PIGX: variants seen among roughly 807,000 people sequenced by gnomAD.
The protein encoded by PIGX is GPI alpha-1,4-mannosyltransferase I, stabilizing subunit.
PIGX carries 24 observed loss-of-function variants against 28.7 expected under a neutral mutation model. The ratio of observed to expected loss-of-function variants is 0.84; its 90% CI spans 0.60 to 1.17. The LOEUF is 1.17. Ranked by LOEUF, PIGX falls within the 50% of genes most tolerant of loss-of-function variation. The pLI is 0.00. For missense variants in PIGX, 305 were observed against 317.8 expected (o/e 0.96, Z 0.31); for synonymous variants, 127 against 121.0 (o/e 1.05, Z -0.33).
At chr3:196,724,125 C>T (rs574836247) in intron 3 of PIGX, among the ~76,000 whole-genome samples, 15 of 151,668 alleles carry the variant, frequency 9.9e-5, no homozygotes, top group South Asian at 6.2e-4. Flanking sequence ...TCAAGTTCTC[C>T]TGCCTCAGCC....
At chr3:196,730,720 C>G (rs1712713783) in intron 4 of PIGX, among the ~76,000 whole-genome samples, 2 of 144,174 alleles carry the variant, frequency 1.4e-5, no homozygotes, top group Non-Finnish European at 3.0e-5. Context: ...AGCACTCCAG[C>G]CTGGGTGACA....
chr3:196,733,985 C>A lies in PIGX; in HGVS notation c.*83C>A. On this transcript the variant is annotated 3_prime_UTR_variant, in exon 6 of 6. Transcript: ENST00000392391. The surrounding 1 kb of genome is among the most constrained non-coding windows in gnomAD (Gnocchi z 4.3). ...AGAGGTGTTCTTCTAGAATTAATTA[C>A]TTTTATCTTTTGTCTTCATTTGTGG... 1 of 907,844 alleles carries A rather than the reference C, an allele frequency of 1.1e-6. No homozygotes were observed. Among genetic ancestry groups the A allele is most frequent in the Non-Finnish European group, 1.7e-6 (1 of 578,488 alleles). The allele number at this position is 907,844 out of a possible 1,614,324, so 56.2% of individuals were successfully genotyped here.
rs764648728 is a variant in PIGX at position 196,730,965 on chromosome 3, G to A, written c.533-27G>A. ...CTTTCAGTCCAAATACAGGTTTTCT[G>A]ACATCATTTTCTACCACTTTTCTCA... On this transcript the variant is annotated intron_variant, in intron 4 of 5. Coordinates refer to ENST00000392391, the MANE Select transcript of PIGX (RefSeq NM_017861.4). 5 of 1,395,060 alleles carry A rather than the reference G, an allele frequency of 3.6e-6. No homozygotes were observed. The South Asian group carries it at 5.8e-5, about 16-fold the overall frequency. 86.4% of individuals were successfully genotyped at this position (1,395,060 alleles called of 1,614,324 possible).
chr3:196,716,979 A>G lies in PIGX; in HGVS notation c.176+58A>G, dbSNP rs150916034. 2,024 of 1,038,652 alleles carry G rather than the reference A, an allele frequency of 1.9e-3. 21 individuals are homozygous for G. The African/African-American group carries it at 0.028, about 14-fold the overall frequency. The allele number at this position is 1,038,652 out of a possible 1,614,324, so 64.3% of individuals were successfully genotyped here. ...AATAATGTGTCATATAATTGAGAGCAAAAAATTGATGGTTGAAATTTGTAT... is the reference window on the plus strand; with the variant it reads ...AATAATGTGTCATATAATTGAGAGCGAAAAATTGATGGTTGAAATTTGTAT... On this transcript the variant is annotated intron_variant, in intron 2 of 5. Coordinates refer to ENST00000392391, the MANE Select transcript of PIGX (RefSeq NM_017861.4).
intron 3 of PIGX, among the ~76,000 whole-genome samples, chr3:196,726,071 A>G (rs1712510882): frequency 6.6e-6 from 1 of 152,152 alleles, no homozygotes; most frequent in African/African-American, 2.4e-5. Context: ...AGGTGAATCA[A>G]TCAGTTAAAA....
intron 2 of PIGX, 131 bp downstream of exon 2, chr3:196,717,052 A>C: frequency 3.5e-6 from 2 of 577,538 alleles, no homozygotes; most frequent in Non-Finnish European, 6.2e-6. Context: ...TGTAATCCCA[A>C]CACTTTGGGA....
In PIGX at chr3:196,735,752, C is replaced by G. The variant is rs1712981309; in HGVS notation, c.*1850C>G. On this transcript the variant is annotated 3_prime_UTR_variant, in exon 6 of 6. Transcript: ENST00000392391. ...GGAATTATATATGTCAGCTACAATT[C>G]AGGCATTGTTTTGGGATATGGTTAG... 6.6e-6 allele frequency: 1 copy of G among 152,158 alleles called. No individual in the cohort carries two copies. Among genetic ancestry groups the G allele is most frequent in the African/African-American group, 2.4e-5 (1 of 41,428 alleles). The allele number at this position is 152,158 out of a possible 1,614,324, so 9.4% of individuals were successfully genotyped here.
intron 1 of PIGX, 108 bp from the exon 2 acceptor site, chr3:196,716,750 A>G (rs1160097906): frequency 2.1e-6 from 1 of 470,760 alleles, no homozygotes; most frequent in Non-Finnish European, 3.5e-6. Flanking sequence ...TAGGTTGGTT[A>G]GATTTTCTAG....
At chr3:196,714,761 A>G (rs1229783841) in intron 1 of PIGX, among the ~76,000 whole-genome samples, 3 of 151,914 alleles carry the variant, frequency 2.0e-5, no homozygotes, top group East Asian at 1.9e-4. Flanking sequence ...CACCCAGGCT[A>G]TTTGTTCTTT....
intron 1 of PIGX, among the ~76,000 whole-genome samples, chr3:196,715,812 C>T (rs972216258): frequency 6.6e-6 from 1 of 151,994 alleles, no homozygotes; most frequent in South Asian, 2.1e-4. Context: ...CCTCAGCCTC[C>T]TAAGTAGCTA....
intron 4 of PIGX, among the ~76,000 whole-genome samples, chr3:196,729,764 G>A (rs1009232425): frequency 2.0e-5 from 3 of 150,494 alleles, no homozygotes; most frequent in Admixed American, 1.3e-4. Context: ...GATTTAGAAT[G>A]TTTATAAAAG....
chr3:196,725,463 G>A (rs1252957066), intron 3 of PIGX, among the ~76,000 whole-genome samples: 4 of 152,204 alleles, frequency 2.6e-5, no homozygotes, highest in Non-Finnish European at 4.4e-5. Context: ...GCTTAATGCA[G>A]GGAGGAGAAA....
Position 196,733,936 on chromosome 3 carries a change from A to G in PIGX, c.*34A>G, listed in dbSNP as rs111362562. On this transcript the variant is annotated 3_prime_UTR_variant, in exon 6 of 6. Coordinates refer to ENST00000392391, the MANE Select transcript of PIGX (RefSeq NM_017861.4). This position sits in a 1 kb window ranked among gnomAD's most constrained non-coding sequence, Gnocchi z 4.3. ...TAGTTAAATGCTTCCTAGAAACCTA[A>G]ATAAGATCTATTAATTTCTGACGAG... 2.3e-6 allele frequency: 3 copies of G among 1,309,758 alleles called. No homozygotes were observed. Among genetic ancestry groups the G allele is most frequent in the African/African-American group, 2.9e-5 (2 of 68,850 alleles). The allele number at this position is 1,309,758 out of a possible 1,614,324, so 81.1% of individuals were successfully genotyped here. A position where few individuals can be genotyped will look rare whatever the true frequency, so the allele number is the denominator to read the frequency against.
intron 1 of PIGX, chr3:196,713,241 G>A (rs952416053): frequency 2.7e-5 from 7 of 264,042 alleles, no homozygotes; most frequent in Non-Finnish European, 4.1e-5. Flanking sequence ...AATCAGTGCA[G>A]TTCTGCTTGT....
At position 196,734,720 on chromosome 3, in the gene PIGX, T is replaced by G. The variant is rs2108693661; in HGVS notation, c.*818T>G. The G allele has an allele frequency of 6.6e-6, 1 of 152,392 alleles. No homozygotes were observed. Among genetic ancestry groups the G allele is most frequent in the African/African-American group, 2.4e-5 (1 of 41,600 alleles). 9.4% of individuals were successfully genotyped at this position (152,392 alleles called of 1,614,324 possible). ...TTAATATTAATATCAAAATTATTGA[T>G]AATCTTAAATTATTGATTATTCCTT... is the stretch of plus-strand genomic sequence containing the variant. On this transcript the variant is annotated 3_prime_UTR_variant, in exon 6 of 6. Coordinates refer to ENST00000392391, the MANE Select transcript of PIGX (RefSeq NM_017861.4).
rs1307646222 is a variant in PIGX at position 196,735,608 on chromosome 3, A to G, written c.*1706A>G. 1 of 152,212 alleles carries G rather than the reference A, an allele frequency of 6.6e-6. No homozygotes were observed. The highest frequency in any genetic ancestry group is 2.4e-5 in the African/African-American group (1 of 41,450). The allele number at this position is 152,212 out of a possible 1,614,324, so 9.4% of individuals were successfully genotyped here. ...ATAAAGCAGAAACAGTGACCTTTAA[A>G]ATGACTAAAATTTCAACCCAGTATA... On this transcript the variant is annotated 3_prime_UTR_variant, in exon 6 of 6. Transcript: ENST00000392391.
chr3:196,720,418 T>G (rs1712277074), intron 2 of PIGX, among the ~76,000 whole-genome samples: 3 of 152,254 alleles, frequency 2.0e-5, no homozygotes, highest in African/African-American at 7.2e-5. Flanking sequence ...ATTGTATGTT[T>G]GTACCACATT....
In PIGX at chr3:196,733,478, T is replaced by G. The variant is rs1712892774; in HGVS notation, c.634-281T>G. On this transcript the variant is annotated intron_variant, in intron 5 of 5. Coordinates refer to ENST00000392391, the MANE Select transcript of PIGX (RefSeq NM_017861.4). The surrounding 1 kb of genome is among the most constrained non-coding windows in gnomAD (Gnocchi z 4.3). The stretch of plus-strand genomic sequence containing the variant: ...CAGGCTGGAGTACAGTGGCACGATC[T>G]CAGCTCACTGCAAACCTCCGCCTCC... 6.6e-6 allele frequency among the ~76,000 whole-genome samples: 1 copy of G among 152,136 alleles called. No individual in the cohort carries two copies. Among genetic ancestry groups the G allele is most frequent in the Non-Finnish European group, 1.5e-5 (1 of 68,038 alleles).
chr3:196,718,333 G>A (rs1358842410), intron 2 of PIGX, among the ~76,000 whole-genome samples: 1 of 151,992 alleles, frequency 6.6e-6, no homozygotes, highest in Non-Finnish European at 1.5e-5. Context: ...AAAAGGGGGG[G>A]AAGGGTATAG....
Sources: gnomAD v4.1 joint callset for allele counts (sites outside exome capture counted in the v4.1 genomes callset) on GRCh38, gnomAD v4.1.1 for gene constraint, Gnocchi (gnomAD v3.1) non-coding constraint, MANE v1.5 for transcripts, NCBI Gene and HGNC (gene_info 2026-07-23, HGNC 2026-07-21) for gene names.